The following LMBR1 variants were observed in gnomAD, a reference collection of about 807,000 sequenced individuals.
LMBR1 encodes the protein limb development membrane protein 1.
In LMBR1, 52 loss-of-function variants were observed where a neutral mutation model predicts 73.9. The observed-to-expected ratio is 0.70, with a 90% CI of 0.56 to 0.89. The LOEUF (loss-of-function observed/expected upper bound fraction) is 0.89, where lower values mean the gene tolerates loss of function less well. Among genes scored for constraint, LMBR1 ranks in the 40% least tolerant of loss-of-function variants. The pLI is 0.00. For missense variants in LMBR1, 539 were observed against 579.8 expected (o/e 0.93, Z 0.72); for synonymous variants, 215 against 209.4 (o/e 1.03, Z -0.23).
chr7:156,745,572 G>C (rs1424737310), intron 9 of LMBR1, among the ~76,000 whole-genome samples: 1 of 152,214 alleles, frequency 6.6e-6, no homozygotes, highest in Non-Finnish European at 1.5e-5. Context: ...TTCTCAAAGG[G>C]AGAGACTGAA....
chr7:156,768,421 C>T (rs1202623519), intron 5 of LMBR1, among the ~76,000 whole-genome samples: 2 of 151,950 alleles, frequency 1.3e-5, no homozygotes, highest in African/African-American at 4.8e-5. Flanking sequence ...TTATATTTAG[C>T]ATGTTTATGC....
At chr7:156,770,391 C>CA (rs1342143487) in intron 5 of LMBR1, among the ~76,000 whole-genome samples, 24 of 151,708 alleles carry the variant, frequency 1.6e-4, no homozygotes, top group African/African-American at 5.8e-4. Flanking sequence ...TATCTGAATG[C>CA]AAAAAATTAA....
chr7:156,747,664 T>C (rs1820087073), intron 9 of LMBR1, among the ~76,000 whole-genome samples: 1 of 152,186 alleles, frequency 6.6e-6, no homozygotes, highest in Non-Finnish European at 1.5e-5. Context: ...CAGATTGATG[T>C]TACATTTAAC....
chr7:156,812,165 G>A (rs565483408), intron 4 of LMBR1, among the ~76,000 whole-genome samples: 2 of 152,298 alleles, frequency 1.3e-5, no homozygotes, highest in South Asian at 4.1e-4. Context: ...GGGGGAACAC[G>A]ATACTACTCA....
rs926044512 is a variant in LMBR1, at chr7:156,783,024, G to A, written c.423+13365C>T. Reference sequence around the variant, plus strand: ...TCACCTAGTTCTTCAAAATTGCTCCGGCTATTCTTGGCTTTCTGCACTTCC... The same window carrying A: ...TCACCTAGTTCTTCAAAATTGCTCCAGCTATTCTTGGCTTTCTGCACTTCC... On this transcript the variant is annotated intron_variant, in intron 5 of 16. Transcript: ENST00000353442. 5.9e-5 allele frequency among the ~76,000 whole-genome samples: 9 copies of A among 151,946 alleles called. No individual in the cohort carries two copies. The South Asian group carries it at 6.2e-4, about 11-fold the overall frequency.
chr7:156,682,537 A>T lies in LMBR1; in HGVS notation c.*1541T>A, dbSNP rs1368639991. 6.6e-6 allele frequency: 1 copy of T among 152,226 alleles called. No individual in the cohort carries two copies. The highest frequency in any genetic ancestry group is 1.5e-5 in the Non-Finnish European group (1 of 68,044). The allele number at this position is 152,226 out of a possible 1,614,324, so 9.4% of individuals were successfully genotyped here. On this transcript the variant is annotated 3_prime_UTR_variant, in exon 17 of 17. Coordinates refer to ENST00000353442, the MANE Select transcript of LMBR1 (RefSeq NM_022458.4). ...TTACTGAAGCTTGTTTAGAATCACAAAATGAATGTTCTTTTATTTTAAAAC... is the reference window on the plus strand; with the variant it reads ...TTACTGAAGCTTGTTTAGAATCACATAATGAATGTTCTTTTATTTTAAAAC...
chr7:156,767,024 A>T (rs1201772247), intron 5 of LMBR1, among the ~76,000 whole-genome samples: 1 of 152,188 alleles, frequency 6.6e-6, no homozygotes. Flanking sequence ...CTCAAAATGA[A>T]ACGCGCCTTG....
chr7:156,825,947 C>T (rs1316405345), intron 4 of LMBR1, among the ~76,000 whole-genome samples: 2 of 152,158 alleles, frequency 1.3e-5, no homozygotes, highest in South Asian at 4.1e-4. Context: ...AAAGAAACTA[C>T]TAGCAAATAA....
intron 4 of LMBR1, among the ~76,000 whole-genome samples, chr7:156,821,438 C>T (rs761332036): frequency 7.2e-5 from 11 of 152,264 alleles, no homozygotes; most frequent in Admixed American, 1.3e-4. Flanking sequence ...AAAAGGACAG[C>T]GGTGAAGGGA....
At chr7:156,722,488 C>T (rs1420388932) in intron 15 of LMBR1, among the ~76,000 whole-genome samples, 2 of 152,052 alleles carry the variant, frequency 1.3e-5, no homozygotes, top group African/African-American at 2.4e-5. Flanking sequence ...TTCTTTTAGT[C>T]TAGAAATTTG....
chr7:156,733,949 C>G (rs557983268), intron 10 of LMBR1: 33 of 340,082 alleles, frequency 9.7e-5, no homozygotes, highest in Non-Finnish European at 1.6e-4. Context: ...ATCTTTGAAC[C>G]TGTGAACCTT....
intron 15 of LMBR1, among the ~76,000 whole-genome samples, chr7:156,697,313 T>C (rs1349821743): frequency 1.3e-5 from 2 of 152,176 alleles, no homozygotes; most frequent in Non-Finnish European, 2.9e-5. Flanking sequence ...GAAGAACCAC[T>C]GATAAGGGTC....
chr7:156,868,404 G>A (rs895429681), intron 1 of LMBR1, among the ~76,000 whole-genome samples: 6 of 152,002 alleles, frequency 3.9e-5, no homozygotes, highest in South Asian at 2.1e-4. Flanking sequence ...GGCCGGGCAC[G>A]GTGGCTCACG....
intron 5 of LMBR1, among the ~76,000 whole-genome samples, chr7:156,777,551 A>G (rs909147251): frequency 2.0e-5 from 3 of 152,258 alleles, no homozygotes; most frequent in Admixed American, 2.0e-4. Context: ...GTTCCTGAGC[A>G]TCAACCACAA....
At chr7:156,887,757 G>T (rs1387480509) in intron 1 of LMBR1, among the ~76,000 whole-genome samples, 1 of 152,144 alleles carries the variant, frequency 6.6e-6, no homozygotes, top group Non-Finnish European at 1.5e-5. Context: ...AGAAGTGTTT[G>T]CAAATCACAT....
intron 5 of LMBR1, among the ~76,000 whole-genome samples, chr7:156,793,063 C>A (rs1007815249): frequency 6.6e-6 from 1 of 152,202 alleles, no homozygotes; most frequent in Admixed American, 6.5e-5. Context: ...AATCGATGAG[C>A]AAGCAGCTTT....
At chr7:156,768,248 T>C (rs941908861) in intron 5 of LMBR1, among the ~76,000 whole-genome samples, 1 of 151,892 alleles carries the variant, frequency 6.6e-6, no homozygotes, top group African/African-American at 2.4e-5. Context: ...TCCCAGCTAC[T>C]TGGGAGGCTG....
Position 156,678,642 on chromosome 7 carries a change from A to G in LMBR1, c.*5436T>C, listed in dbSNP as rs1204842726. The G allele has an allele frequency of 6.6e-6, 1 of 152,138 alleles. No homozygotes were observed. The highest frequency in any genetic ancestry group is 2.4e-5 in the African/African-American group (1 of 41,418). 9.4% of individuals were successfully genotyped at this position (152,138 alleles called of 1,614,324 possible). A position where few individuals can be genotyped will look rare whatever the true frequency, so the allele number is the denominator to read the frequency against. On this transcript the variant is annotated 3_prime_UTR_variant, in exon 17 of 17. Transcript: ENST00000353442. The stretch of plus-strand genomic sequence containing the variant: ...GCCTTTGGAAACATGAGTTCATGGG[A>G]GGACTCAGCGGACAGGGAGAGCCCT...
intron 1 of LMBR1, among the ~76,000 whole-genome samples, chr7:156,838,867 TTCA>T (rs1299864842): frequency 6.6e-6 from 1 of 152,182 alleles, no homozygotes; most frequent in Non-Finnish European, 1.5e-5. Context: ...TCGCCACATC[TTCA>T]TCAACCCTTG....
Sources: gnomAD v4.1 joint callset for allele counts (sites outside exome capture counted in the v4.1 genomes callset) on GRCh38, gnomAD v4.1.1 for gene constraint, MANE v1.5 for transcripts, NCBI Gene and HGNC (gene_info 2026-07-23, HGNC 2026-07-21) for gene names.